The following MAS1 variants were observed in gnomAD, a reference collection of about 807,000 sequenced individuals.
The protein encoded by MAS1 is MAS1 proto-oncogene, G protein-coupled receptor.
For synonymous variants in MAS1, 163 were observed against 164.2 expected, an observed-to-expected ratio of 0.99 and a Z score of 0.05; for missense variants, 387 against 409.7, an observed-to-expected ratio of 0.94 and a Z score of 0.48.
Position 159,914,358 on chromosome 6 carries a change from G to T in MAS1, c.*6425G>T, listed in dbSNP as rs1164720263. On this transcript the variant is annotated 3_prime_UTR_variant, in exon 3 of 3. Coordinates refer to ENST00000674077, the MANE Select transcript of MAS1 (RefSeq NM_002377.4). ...AGTCACCTCTGACAGTTTTTTAAGG[G>T]TTCTTGGTGGTGTCAGAGCTTTGCT... 1 of 152,054 alleles carries T rather than the reference G, an allele frequency of 6.6e-6. No homozygotes were observed. The highest frequency in any genetic ancestry group is 1.5e-5 in the Non-Finnish European group (1 of 68,004). The allele number at this position is 152,054 out of a possible 1,614,324, so 9.4% of individuals were successfully genotyped here. A position where few individuals can be genotyped will look rare whatever the true frequency, so the allele number is the denominator to read the frequency against.
In MAS1 at chr6:159,912,609, A is replaced by AC. The variant is rs11398872; in HGVS notation, c.*4676_*4677insC. ...TTAACTTTGCAAGGTTATATGGGAAAAAAAATCCTTGATATGAAAACATTA... is the reference window on the plus strand; with the variant it reads ...TTAACTTTGCAAGGTTATATGGGAAACAAAAATCCTTGATATGAAAACATTA... On this transcript the variant is annotated 3_prime_UTR_variant, in exon 3 of 3. Transcript: ENST00000674077. 150,885 of 152,320 alleles carry AC rather than the reference A, an allele frequency of 0.99. 74,741 individuals carry two copies. Among genetic ancestry groups the AC allele is most frequent in the East Asian group, 1 (5,184 of 5,184 alleles). 9.4% of individuals were successfully genotyped at this position (152,320 alleles called of 1,614,324 possible).
At position 159,913,899 on chromosome 6, in the gene MAS1, T is replaced by C. The variant is rs112040614; in HGVS notation, c.*5966T>C. On this transcript the variant is annotated 3_prime_UTR_variant, in exon 3 of 3. Coordinates refer to ENST00000674077, the MANE Select transcript of MAS1 (RefSeq NM_002377.4). Reference sequence around the variant, plus strand: ...ATCTTTTACTAAAACCAGTCATTCATGGATAAGGAGATCCTCTTACACTAA... The same window carrying C: ...ATCTTTTACTAAAACCAGTCATTCACGGATAAGGAGATCCTCTTACACTAA... The C allele has an allele frequency of 6.6e-6, 1 of 152,266 alleles. No individual in the cohort carries two copies. The highest frequency in any genetic ancestry group is 2.4e-5 in the African/African-American group (1 of 41,476). 9.4% of individuals were successfully genotyped at this position (152,266 alleles called of 1,614,324 possible). A position where few individuals can be genotyped will look rare whatever the true frequency, so the allele number is the denominator to read the frequency against.
chr6:159,901,937 T>C (rs949857051), intron 2 of MAS1, among the ~76,000 whole-genome samples: 3 of 151,966 alleles, frequency 2.0e-5, no homozygotes, highest in Non-Finnish European at 4.4e-5. Flanking sequence ...TTGGAAACTT[T>C]TGGGGAAAAG....
rs1360047589 is a variant in MAS1, at chr6:159,910,173, T to C, written c.*2240T>C. On this transcript the variant is annotated 3_prime_UTR_variant, in exon 3 of 3. Transcript: ENST00000674077. ...TCCTTGGGGATGGGGAGGAGATTGT[T>C]TGGATAATGCCTGTCCTAACTGAAC... The C allele has an allele frequency of 6.6e-6, 1 of 152,212 alleles. No individual in the cohort carries two copies. Among genetic ancestry groups the C allele is most frequent in the African/African-American group, 2.4e-5 (1 of 41,448 alleles). The allele number at this position is 152,212 out of a possible 1,614,324, so 9.4% of individuals were successfully genotyped here.
intron 1 of MAS1, among the ~76,000 whole-genome samples, chr6:159,896,603 A>G (rs1211593782): frequency 6.6e-6 from 1 of 152,216 alleles, no homozygotes; most frequent in Non-Finnish European, 1.5e-5. Context: ...CTGCTTTAAA[A>G]TTAGAAGAAA....
intron 2 of MAS1, chr6:159,902,405 CA>C (rs1225298554): frequency 6.6e-6 from 1 of 152,144 alleles, no homozygotes; most frequent in African/African-American, 2.4e-5. Flanking sequence ...AAGCGAGATG[CA>C]CTGCAAGAGT....
In MAS1 at chr6:159,907,931, T is replaced by C. The variant is rs1395108750; in HGVS notation, c.976T>C (p.Ter326GlnextTer3). 1.3e-6 allele frequency: 2 copies of C among 1,585,270 alleles called. No homozygotes were observed. Among genetic ancestry groups the C allele is most frequent in the African/African-American group, 2.7e-5 (2 of 72,986 alleles). Residue 326 changes from the stop codon to glutamine (Q), a stop_lost, in exon 3 of 3, where the codon TAA becomes CAA. Coordinates refer to ENST00000674077, the MANE Select transcript of MAS1 (RefSeq NM_002377.4). ...CNTVTVETVV* is the reference protein window; with the variant it reads ...CNTVTVETVVQ ...TACGGTCACAGTTGAGACTGTCGTC[T>C]AAGAACTGTGAGGGAAGTTGTGGAT...
chr6:159,896,946 T>G (rs1474899501), intron 1 of MAS1, among the ~76,000 whole-genome samples: 1 of 152,168 alleles, frequency 6.6e-6, no homozygotes, highest in Non-Finnish European at 1.5e-5. Flanking sequence ...CGTTCTTGGC[T>G]CACTGCAAGC....
chr6:159,892,506 G>A (rs940298357), intron 1 of MAS1, among the ~76,000 whole-genome samples: 1 of 152,128 alleles, frequency 6.6e-6, no homozygotes, highest in East Asian at 1.9e-4. Context: ...GTCCTAGGCT[G>A]GGTATCTGGG....
chr6:159,890,404 A>C (rs923149712), upstream of MAS1, among the ~76,000 whole-genome samples: 2 of 152,132 alleles, frequency 1.3e-5, no homozygotes, highest in Admixed American at 6.5e-5. Flanking sequence ...CAGTCTGGGC[A>C]TGGCCAATGG....
chr6:159,895,841 C>T (rs1782748915), intron 1 of MAS1, among the ~76,000 whole-genome samples: 1 of 152,146 alleles, frequency 6.6e-6, no homozygotes, highest in Non-Finnish European at 1.5e-5. Flanking sequence ...TCTTGAAGAA[C>T]GTTTATACCC....
In MAS1 at chr6:159,907,261, C is replaced by T; in HGVS notation, c.306C>T (p.Tyr102=). The part of the protein sequence containing the change: ...ALDYELSSGH[Y]YTIVTLSVTF... The stretch of plus-strand genomic sequence containing the variant: ...ATTATGAGCTTTCTTCTGGCCATTA[C>T]TACACAATTGTCACATTATCAGTGA... Residue 102 remains tyrosine, a synonymous_variant, in exon 3 of 3, where the codon TAC becomes TAT. Coordinates refer to ENST00000674077, the MANE Select transcript of MAS1 (RefSeq NM_002377.4). 1 of 1,614,214 alleles carries T rather than the reference C, an allele frequency of 6.2e-7. No individual in the cohort carries two copies. Among genetic ancestry groups the T allele is most frequent in the Non-Finnish European group, 8.5e-7 (1 of 1,180,030 alleles).
intron 1 of MAS1, among the ~76,000 whole-genome samples, chr6:159,894,246 G>A (rs141089117): frequency 8.9e-4 from 136 of 152,034 alleles, no homozygotes; most frequent in Non-Finnish European, 1.3e-3. Context: ...GCAAAACTCC[G>A]TTTCTACTAA....
chr6:159,899,103 C>T (rs1225927052), intron 1 of MAS1, 83 bp from the exon 2 acceptor site: 4 of 152,196 alleles, frequency 2.6e-5, no homozygotes, highest in African/African-American at 9.6e-5. Context: ...GGCTCCAAAG[C>T]TAGGATGGAA....
upstream of MAS1, among the ~76,000 whole-genome samples, chr6:159,890,742 C>T (rs1386471829): frequency 6.6e-6 from 1 of 152,224 alleles, no homozygotes; most frequent in Non-Finnish European, 1.5e-5. Context: ...TTCTACTACA[C>T]ATGCGGTTTT....
chr6:159,907,811 A>G lies in MAS1; in HGVS notation c.856A>G (p.Ser286Gly). 2 of 1,613,204 alleles carry G rather than the reference A, an allele frequency of 1.2e-6. No homozygotes were observed. Among genetic ancestry groups the G allele is most frequent in the Admixed American group, 1.7e-5 (1 of 59,814 alleles). ...TTTCATTTACTTCTTTGTGGGAAGC[A>G]GTAAGAAGAAGAGATTCAAGGAGTC... is the stretch of plus-strand genomic sequence containing the variant. Reference protein sequence around the residue: ...NPFIYFFVGSSKKKRFKESLK... With the variant: ...NPFIYFFVGSGKKKRFKESLK... Residue 286 changes from serine (S) to glycine (G), a missense_variant, in exon 3 of 3, where the codon AGT becomes GGT. Transcript: ENST00000674077.
At chr6:159,893,308 G>A (rs1336245932) in intron 1 of MAS1, among the ~76,000 whole-genome samples, 2 of 152,222 alleles carry the variant, frequency 1.3e-5, no homozygotes, top group Non-Finnish European at 1.5e-5. Flanking sequence ...GCTGGGCAGG[G>A]CAGGATATCT....
intron 1 of MAS1, among the ~76,000 whole-genome samples, chr6:159,895,437 C>T (rs1241886176): frequency 6.6e-6 from 1 of 152,190 alleles, no homozygotes; most frequent in Non-Finnish European, 1.5e-5. Flanking sequence ...AAGCCGCATC[C>T]TTTCATGTCT....
At position 159,913,445 on chromosome 6, in the gene MAS1, G is replaced by C. The variant is rs998444045; in HGVS notation, c.*5512G>C. 1 of 152,226 alleles carries C rather than the reference G, an allele frequency of 6.6e-6. No homozygotes were observed. The highest frequency in any genetic ancestry group is 2.4e-5 in the African/African-American group (1 of 41,448). 9.4% of individuals were successfully genotyped at this position (152,226 alleles called of 1,614,324 possible). ...GTATTGTCATTTCTCAAGGCTCCAT[G>C]GGTTGATTGAGTTCAGTTTCTCATT... is the stretch of plus-strand genomic sequence containing the variant. On this transcript the variant is annotated 3_prime_UTR_variant, in exon 3 of 3. Coordinates refer to ENST00000674077, the MANE Select transcript of MAS1 (RefSeq NM_002377.4).
Sources: gnomAD v4.1 joint callset for allele counts (sites outside exome capture counted in the v4.1 genomes callset) on GRCh38, gnomAD v4.1.1 for gene constraint, MANE v1.5 for transcripts, NCBI Gene and HGNC (gene_info 2026-07-23, HGNC 2026-07-21) for gene names.